TRHDE: variants seen among roughly 807,000 people sequenced by gnomAD.
TRHDE encodes the protein thyrotropin releasing hormone degrading enzyme.
Under a neutral mutation model 125.7 loss-of-function variants are expected in TRHDE, and 72 were observed. The observed-to-expected ratio is 0.57, with a 90% CI of 0.47 to 0.70. The LOEUF (loss-of-function observed/expected upper bound fraction) is 0.70, where lower values mean the gene tolerates loss of function less well. Ranked by LOEUF, TRHDE falls within the 30% of genes least tolerant of loss-of-function variation. TRHDE has a pLI of 0.00. For missense variants in TRHDE, 1,110 were observed against 1,327.1 expected (o/e 0.84, Z 2.54); for synonymous variants, 509 against 509.1 (o/e 1.00, Z 0.00).
At chr12:72,157,998 G>A (rs1034529292) in intron 2 of TRHDE, among the ~76,000 whole-genome samples, 5 of 152,138 alleles carry the variant, frequency 3.3e-5, no homozygotes, top group Non-Finnish European at 7.4e-5. Flanking sequence ...GTATTTGAGG[G>A]AAAAGGGCAC....
chr12:72,509,260 A>G (rs1336971012), intron 6 of TRHDE, among the ~76,000 whole-genome samples: 3 of 151,850 alleles, frequency 2.0e-5, no homozygotes, highest in African/African-American at 7.3e-5. Flanking sequence ...AAAATTCCAT[A>G]ATAACCACCG....
intron 1 of TRHDE, among the ~76,000 whole-genome samples, chr12:72,283,900 T>C (rs1879784628): frequency 6.6e-6 from 1 of 151,222 alleles, no homozygotes; most frequent in Non-Finnish European, 1.5e-5. Context: ...ATATTATACA[T>C]ATATATATAT....
rs536357402 is a variant in TRHDE at position 72,622,084 on chromosome 12, C to A, written c.2675+333C>A. 2.2e-4 allele frequency among the ~76,000 whole-genome samples: 34 copies of A among 152,040 alleles called. No individual in the cohort carries two copies. The South Asian group carries it at 2.7e-3, about 12-fold the overall frequency. On this transcript the variant is annotated intron_variant, in intron 15 of 18. Coordinates refer to ENST00000261180, the MANE Select transcript of TRHDE (RefSeq NM_013381.3). Reference sequence around the variant, plus strand: ...AATTCAATCCAGACTCTTTCAGGTTCTTTATAAAGGTTGTGGTATTTATTC... The same window carrying A: ...AATTCAATCCAGACTCTTTCAGGTTATTTATAAAGGTTGTGGTATTTATTC...
At chr12:72,094,292 A>G (rs1269390343) in intron 1 of TRHDE, among the ~76,000 whole-genome samples, 2 of 152,078 alleles carry the variant, frequency 1.3e-5, no homozygotes, top group Non-Finnish European at 2.9e-5. Context: ...GCCAAGCAGG[A>G]CTGGCCCTGG....
At chr12:72,451,342 T>C (rs1164135331) in intron 3 of TRHDE, among the ~76,000 whole-genome samples, 1 of 152,218 alleles carries the variant, frequency 6.6e-6, no homozygotes, top group African/African-American at 2.4e-5. Context: ...ATTCTGCATG[T>C]GGATATTTAG....
chr12:72,429,709 A>G (rs1874360136), intron 3 of TRHDE, among the ~76,000 whole-genome samples: 1 of 152,046 alleles, frequency 6.6e-6, no homozygotes, highest in African/African-American at 2.4e-5. Flanking sequence ...TGTCTTTTCA[A>G]TTATAGCCTA....
At chr12:72,554,208 T>C (rs1869815119) in intron 7 of TRHDE, among the ~76,000 whole-genome samples, 2 of 152,268 alleles carry the variant, frequency 1.3e-5, no homozygotes, top group African/African-American at 2.4e-5. Flanking sequence ...GGAGGGAAGA[T>C]TGAAGAAGAC....
chr12:72,303,993 T>A (rs1868299289), intron 2 of TRHDE, among the ~76,000 whole-genome samples: 1 of 152,132 alleles, frequency 6.6e-6, no homozygotes, highest in Non-Finnish European at 1.5e-5. Flanking sequence ...GTGATGTGGC[T>A]GCTATCATTA....
At chr12:72,426,772 TG>T (rs1468137175) in intron 3 of TRHDE, among the ~76,000 whole-genome samples, 2 of 151,600 alleles carry the variant, frequency 1.3e-5, no homozygotes, top group Non-Finnish European at 2.9e-5. Flanking sequence ...TTATTTTTCC[TG>T]GGAAAAGGGA....
At chr12:72,138,235 C>T (rs945297176) in intron 2 of TRHDE, among the ~76,000 whole-genome samples, 15 of 152,018 alleles carry the variant, frequency 9.9e-5, no homozygotes, top group Admixed American at 7.2e-4. Context: ...ATTAGCCACA[C>T]GTGGTGGTAC....
chr12:72,142,433 T>G (rs1216850072), intron 2 of TRHDE, among the ~76,000 whole-genome samples: 1 of 152,182 alleles, frequency 6.6e-6, no homozygotes, highest in Non-Finnish European at 1.5e-5. Flanking sequence ...CTGAAGCTGC[T>G]GCAGACCTGC....
intron 2 of TRHDE, among the ~76,000 whole-genome samples, chr12:72,287,537 CCATG>C (rs1879934526): frequency 6.6e-6 from 1 of 151,712 alleles, no homozygotes; most frequent in African/African-American, 2.4e-5. Context: ...TTTGCTACTT[CCATG>C]CATATTATCC....
intron 5 of TRHDE, among the ~76,000 whole-genome samples, chr12:72,480,843 A>G (rs1877135436): frequency 6.6e-6 from 1 of 152,158 alleles, no homozygotes; most frequent in South Asian, 2.1e-4. Flanking sequence ...AATGCCAAAA[A>G]TTATACCAAA....
At chr12:72,636,118 A>T (rs1230785661) in intron 15 of TRHDE, among the ~76,000 whole-genome samples, 3 of 152,002 alleles carry the variant, frequency 2.0e-5, no homozygotes, top group Non-Finnish European at 4.4e-5. Context: ...CATGATATTG[A>T]TTCTTCCTAC....
chr12:72,170,030 G>T (rs1285129507), intron 2 of TRHDE, among the ~76,000 whole-genome samples: 1 of 152,184 alleles, frequency 6.6e-6, no homozygotes, highest in African/African-American at 2.4e-5. Flanking sequence ...GGAGAGAAGT[G>T]ACAATAAATA....
At chr12:72,185,628 G>A (rs571576670) in intron 2 of TRHDE, among the ~76,000 whole-genome samples, 26 of 152,256 alleles carry the variant, frequency 1.7e-4, no homozygotes, top group African/African-American at 6.3e-4. Context: ...GTATCTAGCT[G>A]CTCTGGTGGG....
At chr12:72,650,971 G>A (rs1266197828) in intron 15 of TRHDE, among the ~76,000 whole-genome samples, 1 of 152,076 alleles carries the variant, frequency 6.6e-6, no homozygotes, top group Admixed American at 6.6e-5. Flanking sequence ...AATTGAGAAG[G>A]CTTTTGTTGG....
intron 2 of TRHDE, among the ~76,000 whole-genome samples, chr12:72,300,226 T>C (rs540472208): frequency 3.3e-4 from 51 of 152,250 alleles, no homozygotes; most frequent in Middle Eastern, 3.4e-3. Flanking sequence ...AGGCCTTCAG[T>C]GTTTTTGAAT....
chr12:72,256,427 C>CTCATATTTAG (rs1432335970), intron 2 of TRHDE: 1 of 152,072 alleles, frequency 6.6e-6, no homozygotes, highest in East Asian at 1.9e-4. Context: ...GAGGGCTTCC[C>CTCATATTTAG]TAACTATCAT....
Sources: allele counts gnomAD v4.1 joint callset (sites outside exome capture counted in the v4.1 genomes callset), GRCh38; gene constraint gnomAD v4.1.1; transcripts MANE v1.5; gene names NCBI Gene and HGNC (gene_info 2026-07-23, HGNC 2026-07-21).